Variants in ACO1 observed in about 807,000 individuals in gnomAD.
ACO1 encodes the protein cytoplasmic aconitate hydratase.
A neutral mutation model predicts 105.1 loss-of-function variants in ACO1; 78 were observed. That is an observed-to-expected ratio of 0.74 (90% CI 0.62 to 0.90). The LOEUF (loss-of-function observed/expected upper bound fraction) is 0.90, where lower values mean the gene tolerates loss of function less well. ACO1 is among the 40% of genes least tolerant of loss of function. The pLI is 0.00. For synonymous variants in ACO1, 364 were observed against 397.4 expected (o/e 0.92, Z 1.00); for missense variants, 965 against 1,111.1 (o/e 0.87, Z 1.87).
intron 1 of ACO1, among the ~76,000 whole-genome samples, chr9:32,392,916 C>T (rs1587509536): frequency 6.6e-6 from 1 of 152,208 alleles, no homozygotes; most frequent in African/African-American, 2.4e-5. Flanking sequence ...CTTATCACTT[C>T]CCCAATGAAT....
intron 4 of ACO1, among the ~76,000 whole-genome samples, chr9:32,416,712 G>T (rs1032035681): frequency 1.4e-4 from 22 of 152,314 alleles, no homozygotes; most frequent in Non-Finnish European, 2.2e-4. Flanking sequence ...GCAGGCTCTG[G>T]GGGAGGGGAG....
At chr9:32,390,017 C>T (rs1186444656) in intron 1 of ACO1, among the ~76,000 whole-genome samples, 3 of 152,100 alleles carry the variant, frequency 2.0e-5, no homozygotes, top group Admixed American at 6.5e-5. Context: ...AGGTTGGTCT[C>T]GAATTCCTTA....
At chr9:32,402,954 G>A (rs1821528796) in intron 1 of ACO1, among the ~76,000 whole-genome samples, 1 of 152,198 alleles carries the variant, frequency 6.6e-6, no homozygotes, top group South Asian at 2.1e-4. Flanking sequence ...AAAGTGGCAG[G>A]AGACAGGTGA....
Position 32,433,797 on chromosome 9 carries a change from A to C in ACO1, c.1921A>C (p.Thr641Pro). The change falls in exon 16 of 21, where the codon ACG becomes CCG. Residue 641 changes from threonine to proline, a missense_variant. Coordinates refer to ENST00000309951, the MANE Select transcript of ACO1 (RefSeq NM_002197.3). The stretch of plus-strand genomic sequence containing the variant: ...GCTGTTTTTCTGGAATTCCAAATCT[A>C]CGTATATCAAATCACCACCATTCTT... ...DKLFFWNSKS[T>P]YIKSPPFFEN... 1 of 1,612,256 alleles carries C rather than the reference A, an allele frequency of 6.2e-7. No individual in the cohort carries two copies. The highest frequency in any genetic ancestry group is 8.5e-7 in the Non-Finnish European group (1 of 1,179,584).
chr9:32,435,588 T>C (rs887477260), intron 17 of ACO1, among the ~76,000 whole-genome samples: 2 of 152,068 alleles, frequency 1.3e-5, no homozygotes, highest in African/African-American at 2.4e-5. Flanking sequence ...CTGGTCACGG[T>C]GTTAATTGTA....
chr9:32,436,090 G>A, intron 17 of ACO1, 160 bp from the exon 18 acceptor site: 1 of 931,180 alleles, frequency 1.1e-6, no homozygotes, highest in Non-Finnish European at 1.7e-6. Flanking sequence ...TTGAAGCTTT[G>A]GGGACAGCTT....
chr9:32,390,268 A>G (rs552263819), intron 1 of ACO1, among the ~76,000 whole-genome samples: 37 of 152,350 alleles, frequency 2.4e-4, no homozygotes, highest in Non-Finnish European at 1.2e-4. Flanking sequence ...AATGTCAGCC[A>G]TACTGAACTG....
At chr9:32,403,632 A>G (rs1821544923) in intron 1 of ACO1, among the ~76,000 whole-genome samples, 1 of 152,224 alleles carries the variant, frequency 6.6e-6, no homozygotes, top group African/African-American at 2.4e-5. Flanking sequence ...ATAATGGCAG[A>G]TAATAAGTAC....
intron 7 of ACO1, among the ~76,000 whole-genome samples, chr9:32,420,563 T>C (rs1316294678): frequency 6.6e-6 from 1 of 152,218 alleles, no homozygotes. Flanking sequence ...TAAATAACCA[T>C]GGCACATTTA....
chr9:32,391,338 A>G (rs536350577), intron 1 of ACO1, among the ~76,000 whole-genome samples: 31 of 152,358 alleles, frequency 2.0e-4, no homozygotes, highest in African/African-American at 7.5e-4. Context: ...GATGTTGCAA[A>G]TATGTGAAGA....
chr9:32,396,639 T>TA (rs1452786602), intron 1 of ACO1, among the ~76,000 whole-genome samples: 1 of 151,324 alleles, frequency 6.6e-6, no homozygotes, highest in Non-Finnish European at 1.5e-5. Flanking sequence ...ACAGCCCCTG[T>TA]ACTTTCTACT....
chr9:32,433,947 C>A, intron 16 of ACO1, 115 bp downstream of exon 16: 4 of 840,232 alleles, frequency 4.8e-6, no homozygotes, highest in Non-Finnish European at 7.2e-6. Flanking sequence ...AAACCCTTTG[C>A]AAACCCAAGC....
At chr9:32,389,391 GTA>G (rs767354495) in intron 1 of ACO1, among the ~76,000 whole-genome samples, 1 of 152,166 alleles carries the variant, frequency 6.6e-6, no homozygotes, top group Non-Finnish European at 1.5e-5. Flanking sequence ...AACCCCTACA[GTA>G]TGTTTACACC....
At chr9:32,436,149 C>CTATGT (rs780515247) in intron 17 of ACO1, 101 bp from the exon 18 acceptor site, 180 of 1,456,914 alleles carry the variant, frequency 1.2e-4, no homozygotes, top group Non-Finnish European at 1.6e-4. Context: ...ATAGCCAGGT[C>CTATGT]TATGTTTTGT....
At position 32,440,467 on chromosome 9, in the gene ACO1, T is replaced by C. The variant is rs773929158; in HGVS notation, c.2250T>C (p.Leu750=). 6.2e-7 allele frequency: 1 copy of C among 1,613,656 alleles called. No homozygotes were observed. The highest frequency in any genetic ancestry group is 1.1e-5 in the South Asian group (1 of 91,062). The change falls in exon 19 of 21, where the codon CTT becomes CTC. Residue 750 remains leucine (L), a splice_region_variant and synonymous_variant. Coordinates refer to ENST00000309951, the MANE Select transcript of ACO1 (RefSeq NM_002197.3). ...QTIHLPSGEI[L]DVFDAAERYQ... ...AAACTTCCTTTTCTCTTCCTCAGCT[T>C]GATGTGTTTGATGCTGCTGAGCGGT... is the stretch of plus-strand genomic sequence containing the variant.
chr9:32,426,121 C>T (rs991893011), intron 11 of ACO1, 124 bp downstream of exon 11: 18 of 987,570 alleles, frequency 1.8e-5, no homozygotes, highest in African/African-American at 8.1e-5. Context: ...TTTCCAGATA[C>T]AGATATTTAT....
chr9:32,417,246 C>T (rs7874815), intron 4 of ACO1, among the ~76,000 whole-genome samples: 102,943 of 152,054 alleles, frequency 0.68, 35,030 homozygotes, highest in Middle Eastern at 0.79. Context: ...AAAATTAACA[C>T]AAAGCATTTA....
In ACO1 at chr9:32,450,389, GT is replaced by G. The variant is rs1822736486; in HGVS notation, c.*280del. 2.1e-6 allele frequency: 1 copy of G among 475,552 alleles called. No homozygotes were observed. The highest frequency in any genetic ancestry group is 4.0e-6 in the Non-Finnish European group (1 of 252,004). The allele number at this position is 475,552 out of a possible 1,614,324, so 29.5% of individuals were successfully genotyped here. ...AGAGAGAACCAAGCTTGTCTTTAAA[GT>G]TACTGATCACAGGACGTTGCTTTTT... On this transcript the variant is annotated 3_prime_UTR_variant, in exon 21 of 21. Coordinates refer to ENST00000309951, the MANE Select transcript of ACO1 (RefSeq NM_002197.3).
At chr9:32,426,399 A>G (rs111571172) in intron 11 of ACO1, among the ~76,000 whole-genome samples, 5 of 152,320 alleles carry the variant, frequency 3.3e-5, no homozygotes, top group African/African-American at 1.2e-4. Flanking sequence ...CAGTGAGGGC[A>G]CAGGGCACTG....
Sources: allele counts gnomAD v4.1 joint callset (sites outside exome capture counted in the v4.1 genomes callset), GRCh38; gene constraint gnomAD v4.1.1; transcripts MANE v1.5; gene names NCBI Gene and HGNC (gene_info 2026-07-23, HGNC 2026-07-21).